Variants in SH3BP5 observed in about 807,000 individuals in gnomAD.
SH3BP5 encodes SH3 domain-binding protein 5.
In SH3BP5, 22 loss-of-function variants were observed where a neutral mutation model predicts 43.3. The ratio of observed to expected loss-of-function variants is 0.51; its 90% CI spans 0.36 to 0.73. The LOEUF is 0.73. Ranked by LOEUF, SH3BP5 falls within the 30% of genes least tolerant of loss-of-function variation. The pLI is 0.00. For missense variants in SH3BP5, 529 were observed against 586.9 expected, an observed-to-expected ratio of 0.90 and a Z score of 1.02; for synonymous variants, 255 against 225.8, an observed-to-expected ratio of 1.13 and a Z score of -1.16.
chr3:15,263,840 A>G (rs1696538845), intron 4 of SH3BP5, among the ~76,000 whole-genome samples: 2 of 152,180 alleles, frequency 1.3e-5, no homozygotes, highest in Admixed American at 6.5e-5. Context: ...CCTACCACTC[A>G]GTGTTATAAA....
intron 3 of SH3BP5, among the ~76,000 whole-genome samples, chr3:15,292,660 CCAA>C (rs1697444267): frequency 6.6e-6 from 1 of 152,088 alleles, no homozygotes; most frequent in African/African-American, 2.4e-5. Flanking sequence ...ACCAGCCTGA[CCAA>C]CATGGAGAAA....
intron 3 of SH3BP5, among the ~76,000 whole-genome samples, chr3:15,302,418 G>A (rs1055523459): frequency 1.3e-5 from 2 of 152,190 alleles, no homozygotes; most frequent in Non-Finnish European, 2.9e-5. Flanking sequence ...ACAGCCCAAT[G>A]CACCAGGCCA....
upstream of SH3BP5, among the ~76,000 whole-genome samples, chr3:15,334,665 G>A (rs1013954675): frequency 5.9e-5 from 9 of 152,154 alleles, no homozygotes; most frequent in African/African-American, 1.9e-4. Flanking sequence ...AAGTATACAG[G>A]AGGGGCTGCT....
intron 4 of SH3BP5, among the ~76,000 whole-genome samples, chr3:15,263,627 C>T (rs926486380): frequency 3.9e-5 from 6 of 152,150 alleles, no homozygotes; most frequent in African/African-American, 1.4e-4. Context: ...AAATGAGTTA[C>T]AAAACCAATA....
intron 3 of SH3BP5, among the ~76,000 whole-genome samples, chr3:15,284,626 G>A (rs930350174): frequency 5.3e-5 from 8 of 152,198 alleles, no homozygotes; most frequent in African/African-American, 1.4e-4. Flanking sequence ...CTCTCAATTG[G>A]AGAGCTTCTC....
In SH3BP5 at chr3:15,274,815, G is replaced by A. The variant is rs147926727; in HGVS notation, c.331-4938C>T. Among the ~76,000 whole-genome samples the A allele has an allele frequency of 5.6e-3, 853 of 152,292 alleles. 8 individuals are homozygous for A. The highest frequency in any genetic ancestry group is 0.02 in the African/African-American group (820 of 41,564). ...CCTGCCTCGGCCTCCCAAAGTGCTG[G>A]GATTACAGGGTTGCAGGTGTGAGCC... On this transcript the variant is annotated intron_variant, in intron 3 of 8. Transcript: ENST00000383791.
At chr3:15,312,387 C>T (rs547140695) in intron 2 of SH3BP5, among the ~76,000 whole-genome samples, 1 of 152,030 alleles carries the variant, frequency 6.6e-6, no homozygotes, top group African/African-American at 2.4e-5. Context: ...GAATATAGAC[C>T]TTAGAAATAA....
rs749351975 is a variant in SH3BP5, at chr3:15,304,261, G to A, written c.202-30C>T. The A allele has an allele frequency of 3.1e-6, 5 of 1,613,948 alleles. No homozygotes were observed. In the East Asian group the frequency reaches 8.9e-5, roughly 29 times the overall value. ...AGCCAGGGGAAACCGAGGAAACACA[G>A]TTGAGGCTTAAGAAGGGATCTGCAA... On this transcript the variant is annotated intron_variant, in intron 2 of 8. Transcript: ENST00000383791.
rs1697003336 is a variant in SH3BP5 at position 15,277,423 on chromosome 3, G to A, written c.331-7546C>T. Among the ~76,000 whole-genome samples, 5 of 152,192 alleles carry A rather than the reference G, an allele frequency of 3.3e-5. No individual in the cohort carries two copies. In the South Asian group the frequency reaches 1.0e-3, roughly 32 times the overall value. On this transcript the variant is annotated intron_variant, in intron 3 of 8. Transcript: ENST00000383791. ...GTCGGGATGGGCAGGGAGGTTTGGA[G>A]GGTATAAGATTTGCAGAGACCGCCA...
At chr3:15,325,132 T>A (rs2125139682) in intron 2 of SH3BP5, among the ~76,000 whole-genome samples, 2 of 152,358 alleles carry the variant, frequency 1.3e-5, no homozygotes, top group East Asian at 3.9e-4. Context: ...TAAAACCACA[T>A]AAACATGGGC....
At chr3:15,280,902 C>T (rs780438959) in intron 3 of SH3BP5, among the ~76,000 whole-genome samples, 3 of 152,250 alleles carry the variant, frequency 2.0e-5, no homozygotes, top group African/African-American at 4.8e-5. Context: ...TCATCCTCCA[C>T]TGGGATGCAC....
chr3:15,322,786 G>C (rs932135598), intron 2 of SH3BP5, among the ~76,000 whole-genome samples: 3 of 152,136 alleles, frequency 2.0e-5, no homozygotes, highest in Admixed American at 6.5e-5. Context: ...AGGGAGCTAT[G>C]ATTGTGCCAC....
At chr3:15,300,176 T>C (rs1697696059) in intron 3 of SH3BP5, among the ~76,000 whole-genome samples, 1 of 152,216 alleles carries the variant, frequency 6.6e-6, no homozygotes, top group Non-Finnish European at 1.5e-5. Context: ...CATCAAATAG[T>C]AAGAGAAGGT....
At chr3:15,272,682 C>CCG (rs1696847799) in intron 3 of SH3BP5, among the ~76,000 whole-genome samples, 3 of 116,838 alleles carry the variant, frequency 2.6e-5, no homozygotes. Flanking sequence ...AACAGAGTGC[C>CCG]TGTAGGATAA....
upstream of SH3BP5, among the ~76,000 whole-genome samples, chr3:15,337,521 A>G (rs978359997): frequency 6.6e-6 from 1 of 152,172 alleles, no homozygotes; most frequent in African/African-American, 2.4e-5. Flanking sequence ...TTCAGCCCCT[A>G]CTATATGCAT....
chr3:15,335,954 G>T (rs1460728007), upstream of SH3BP5, among the ~76,000 whole-genome samples: 1 of 152,050 alleles, frequency 6.6e-6, no homozygotes, highest in Non-Finnish European at 1.5e-5. Flanking sequence ...TTGTTTTGTG[G>T]AATTTAAAGA....
intron 3 of SH3BP5, among the ~76,000 whole-genome samples, chr3:15,284,068 C>T (rs1697200453): frequency 6.6e-6 from 1 of 152,132 alleles, no homozygotes; most frequent in African/African-American, 2.4e-5. Flanking sequence ...ATGCAGGGCC[C>T]CATATTATCC....
intron 3 of SH3BP5, among the ~76,000 whole-genome samples, chr3:15,281,030 T>TG (rs1227255116): frequency 6.6e-6 from 1 of 152,194 alleles, no homozygotes; most frequent in African/African-American, 2.4e-5. Context: ...AAAGTCCATG[T>TG]GTTCTGTAAT....
intron 2 of SH3BP5, among the ~76,000 whole-genome samples, chr3:15,324,592 C>T (rs555580628): frequency 7.4e-4 from 17 of 23,002 alleles, no homozygotes; most frequent in African/African-American, 2.4e-3. Context: ...CTCCCTCCCC[C>T]GGTCTATCTA....
Sources: gnomAD v4.1 joint callset for allele counts (sites outside exome capture counted in the v4.1 genomes callset) on GRCh38, gnomAD v4.1.1 for gene constraint, MANE v1.5 for transcripts, NCBI Gene and HGNC (gene_info 2026-07-23, HGNC 2026-07-21) for gene names.